NBEA: variants seen among roughly 807,000 people sequenced by gnomAD.
NBEA encodes the protein lysosomal-trafficking regulator 2.
In NBEA, 44 loss-of-function variants were observed where a neutral mutation model predicts 343.4. The observed-to-expected ratio is 0.13, with a 90% confidence interval of 0.10 to 0.16. The LOEUF is 0.16. Ranked by LOEUF, NBEA falls within the 10% of genes least tolerant of loss-of-function variation. The probability of loss-of-function intolerance (pLI) is 1.00; values close to 1 mark genes in which losing one functional copy is unlikely to be tolerated. For missense variants in NBEA, 2,555 were observed against 3,631.3 expected (o/e 0.70, Z 7.62); for synonymous variants, 1,175 against 1,238.7 (o/e 0.95, Z 1.08).
intron 38 of NBEA, among the ~76,000 whole-genome samples, chr13:35,417,732 C>A (rs548807025): frequency 6.6e-6 from 1 of 152,192 alleles, no homozygotes; most frequent in African/African-American, 2.4e-5. Flanking sequence ...GGTGGAGGTT[C>A]TGTAGATGTC....
intron 40 of NBEA, among the ~76,000 whole-genome samples, chr13:35,466,715 C>T (rs1043912978): frequency 5.3e-5 from 8 of 152,078 alleles, no homozygotes; most frequent in African/African-American, 1.9e-4. Context: ...GCAGTCCTCC[C>T]GCCTCAGCCT....
intron 34 of NBEA, among the ~76,000 whole-genome samples, chr13:35,278,863 A>G (rs1356264992): frequency 2.0e-5 from 3 of 152,180 alleles, no homozygotes; most frequent in Non-Finnish European, 2.9e-5. Flanking sequence ...TTCCCATAAC[A>G]TGGAATTTGC....
chr13:35,130,414 A>C (rs2067353965), intron 17 of NBEA, among the ~76,000 whole-genome samples: 1 of 152,106 alleles, frequency 6.6e-6, no homozygotes, highest in Non-Finnish European at 1.5e-5. Context: ...TAAAAATTAA[A>C]TGATAAAAGC....
chr13:35,484,272 GTGTATATA>G lies in NBEA; in HGVS notation c.6585+11738_6585+11745del, dbSNP rs61329347. 6.5e-3 allele frequency among the ~76,000 whole-genome samples: 751 copies of G among 114,910 alleles called. 10 individuals are homozygous for G. Among genetic ancestry groups the G allele is most frequent in the African/African-American group, 0.024 (725 of 29,810 alleles). 75.4% of individuals were successfully genotyped at this position (114,910 alleles called of 152,430 possible). A position where few individuals can be genotyped will look rare whatever the true frequency, so the allele number is the denominator to read the frequency against. ...TGTGTGTGTGTGTGTGTGTGTGTGT[GTGTATATA>G]TATATATATATATGTAGACCCTCAC... On this transcript the variant is annotated intron_variant, in intron 41 of 58. Transcript: ENST00000379939.
intron 1 of NBEA, among the ~76,000 whole-genome samples, chr13:35,001,080 G>A (rs140892871): frequency 9.5e-4 from 145 of 152,042 alleles, no homozygotes; most frequent in Non-Finnish European, 1.6e-3. Flanking sequence ...GGGACTATAG[G>A]TGCTTGTCAA....
intron 39 of NBEA, among the ~76,000 whole-genome samples, chr13:35,448,762 T>A (rs1452307620): frequency 4.0e-5 from 6 of 150,192 alleles, no homozygotes; most frequent in Non-Finnish European, 1.5e-5. Flanking sequence ...GAGAAGGGAA[T>A]GGGGTGGTGG....
At chr13:35,595,642 C>G (rs868729036) in intron 47 of NBEA, among the ~76,000 whole-genome samples, 2 of 152,156 alleles carry the variant, frequency 1.3e-5, no homozygotes, top group South Asian at 2.1e-4. Context: ...CTGATGGACT[C>G]CTTCTATATA....
intron 28 of NBEA, among the ~76,000 whole-genome samples, chr13:35,179,170 A>G (rs982554995): frequency 6.6e-5 from 10 of 151,634 alleles, no homozygotes; most frequent in Non-Finnish European, 1.0e-4. Context: ...CTGGGTTTGA[A>G]TTCTGACTCT....
At chr13:35,418,803 T>C (rs1007004086) in intron 38 of NBEA, among the ~76,000 whole-genome samples, 1 of 151,760 alleles carries the variant, frequency 6.6e-6, no homozygotes, top group Admixed American at 6.6e-5. Flanking sequence ...ATAAGGAGAG[T>C]ATTATTTGTA....
chr13:35,227,218 A>G (rs2074705949), intron 33 of NBEA, among the ~76,000 whole-genome samples: 1 of 152,006 alleles, frequency 6.6e-6, no homozygotes, highest in South Asian at 2.1e-4. Flanking sequence ...GTCAGTAGGT[A>G]ATTATGTCAC....
At chr13:34,951,033 T>C (rs1184135578) in intron 1 of NBEA, among the ~76,000 whole-genome samples, 4 of 152,314 alleles carry the variant, frequency 2.6e-5, no homozygotes, top group Admixed American at 2.0e-4. Flanking sequence ...AAAATAATCT[T>C]AAATGCTCTT....
chr13:35,330,205 A>G (rs1436428474), intron 36 of NBEA, among the ~76,000 whole-genome samples: 1 of 151,990 alleles, frequency 6.6e-6, no homozygotes, highest in Non-Finnish European at 1.5e-5. Flanking sequence ...GTGCTTAACT[A>G]ATAAGATATG....
chr13:35,450,428 A>T (rs2046253334), intron 39 of NBEA, among the ~76,000 whole-genome samples: 1 of 152,194 alleles, frequency 6.6e-6, no homozygotes, highest in Non-Finnish European at 1.5e-5. Flanking sequence ...TCGATGCTGC[A>T]GTGAGCTGTG....
intron 38 of NBEA, among the ~76,000 whole-genome samples, chr13:35,391,337 A>G (rs1010906344): frequency 6.6e-6 from 1 of 151,894 alleles, no homozygotes; most frequent in African/African-American, 2.4e-5. Context: ...TAGAGATAAT[A>G]ACTCACTGTA....
At chr13:35,425,012 A>C (rs2044561280) in intron 38 of NBEA, among the ~76,000 whole-genome samples, 1 of 151,878 alleles carries the variant, frequency 6.6e-6, no homozygotes, top group South Asian at 2.1e-4. Context: ...ATCATTTTTT[A>C]TTGCATCTAT....
intron 32 of NBEA, among the ~76,000 whole-genome samples, chr13:35,209,852 A>C (rs2073647969): frequency 6.6e-6 from 1 of 152,120 alleles, no homozygotes; most frequent in African/African-American, 2.4e-5. Context: ...ATATTGGCAA[A>C]TGAATGTCAT....
intron 11 of NBEA, among the ~76,000 whole-genome samples, chr13:35,104,066 C>T (rs893109131): frequency 4.0e-5 from 6 of 151,860 alleles, no homozygotes; most frequent in Admixed American, 1.3e-4. Context: ...CTTGCTTTCT[C>T]TATTTTAGGC....
intron 47 of NBEA, among the ~76,000 whole-genome samples, chr13:35,601,486 G>A (rs868027012): frequency 6.6e-6 from 1 of 152,004 alleles, no homozygotes; most frequent in Non-Finnish European, 1.5e-5. Flanking sequence ...GATGGTGGCC[G>A]GATGTTGTGG....
At chr13:35,629,563 C>G (rs1026048471) in intron 49 of NBEA, among the ~76,000 whole-genome samples, 1 of 151,942 alleles carries the variant, frequency 6.6e-6, no homozygotes, top group East Asian at 1.9e-4. Flanking sequence ...TGTGTGCACA[C>G]AAGATAAAAT....
Sources: gnomAD v4.1 joint callset for allele counts (sites outside exome capture counted in the v4.1 genomes callset) on GRCh38, gnomAD v4.1.1 for gene constraint, MANE v1.5 for transcripts, NCBI Gene and HGNC (gene_info 2026-07-23, HGNC 2026-07-21) for gene names.